The following SLC28A3 variants were observed in gnomAD, a reference collection of about 807,000 sequenced individuals.
SLC28A3 encodes solute carrier family 28 member 3, also known as concentrative Na(+)-nucleoside cotransporter 3.
Under a neutral mutation model 84.2 loss-of-function variants are expected in SLC28A3, and 68 were observed. The observed-to-expected ratio is 0.81, with a 90% CI of 0.66 to 0.99. SLC28A3 has a LOEUF of 0.99. Among genes scored for constraint, SLC28A3 ranks in the 50% least tolerant of loss-of-function variants. The pLI is 0.00. For synonymous variants in SLC28A3, 267 were observed against 303.6 expected (o/e 0.88, Z 1.25); for missense variants, 712 against 841.5 (o/e 0.85, Z 1.90).
intron 1 of SLC28A3, among the ~76,000 whole-genome samples, chr9:84,333,306 T>C (rs1826854769): frequency 6.6e-6 from 1 of 152,172 alleles, no homozygotes; most frequent in South Asian, 2.1e-4. Context: ...GGAATTTCCT[T>C]GTGGGCAAAA....
chr9:84,316,324 T>C (rs181414854), intron 1 of SLC28A3, among the ~76,000 whole-genome samples: 2 of 152,354 alleles, frequency 1.3e-5, no homozygotes, highest in East Asian at 3.8e-4. Context: ...AGGAAAAAGA[T>C]TACATATCCA....
At chr9:84,288,975 T>C (rs1287389383) in intron 11 of SLC28A3, among the ~76,000 whole-genome samples, 1 of 152,178 alleles carries the variant, frequency 6.6e-6, no homozygotes, top group Non-Finnish European at 1.5e-5. Context: ...CCTTGGTGCC[T>C]TTACACAATC....
At chr9:84,314,849 T>A (rs4877843) in intron 1 of SLC28A3, among the ~76,000 whole-genome samples, 1 of 152,032 alleles carries the variant, frequency 6.6e-6, no homozygotes, top group Non-Finnish European at 1.5e-5. Flanking sequence ...GAGGCCAAGG[T>A]GGGCGGATCA....
intron 9 of SLC28A3, 31 bp from the exon 10 acceptor site, chr9:84,292,779 A>G (rs1417850933): frequency 6.6e-7 from 1 of 1,504,790 alleles, no homozygotes; most frequent in African/African-American, 1.4e-5. Flanking sequence ...AAGTCAGCAA[A>G]GAACTTTTTG....
chr9:84,278,415 C>T (rs1003567042), intron 17 of SLC28A3, 71 bp from the exon 18 acceptor site: 1 of 1,584,984 alleles, frequency 6.3e-7, no homozygotes, highest in African/African-American at 1.3e-5. Flanking sequence ...CAGACAATGA[C>T]ATTAAAAATA....
At chr9:84,335,824 T>G (rs534366819) in intron 1 of SLC28A3, among the ~76,000 whole-genome samples, 4 of 152,172 alleles carry the variant, frequency 2.6e-5, no homozygotes, top group African/African-American at 7.2e-5. Flanking sequence ...ATTATTATGC[T>G]CTTTTACAGA....
At chr9:84,293,900 T>C (rs547822803) in intron 9 of SLC28A3, among the ~76,000 whole-genome samples, 11 of 152,200 alleles carry the variant, frequency 7.2e-5, no homozygotes, top group African/African-American at 2.7e-4. Flanking sequence ...AATAACATCA[T>C]TTCCCCCAGC....
chr9:84,311,963 T>C (rs1588600232), intron 2 of SLC28A3, among the ~76,000 whole-genome samples: 1 of 152,272 alleles, frequency 6.6e-6, no homozygotes, highest in African/African-American at 2.4e-5. Flanking sequence ...TGTCGTATAG[T>C]TGGGATCGCA....
At chr9:84,303,505 A>G (rs1235017395) in intron 4 of SLC28A3, among the ~76,000 whole-genome samples, 1 of 152,146 alleles carries the variant, frequency 6.6e-6, no homozygotes, top group Non-Finnish European at 1.5e-5. Flanking sequence ...TTTTTAGTAG[A>G]GACGGGGTTT....
At chr9:84,354,073 T>A in the SLC28A3 span, among the ~76,000 whole-genome samples, 1 of 152,244 alleles carries the variant, frequency 6.6e-6, no homozygotes, top group Admixed American at 6.5e-5. Context: ...TCTCACCTCA[T>A]CTTGTTCTCT....
At chr9:84,293,023 A>T (rs1330636036) in intron 9 of SLC28A3, among the ~76,000 whole-genome samples, 1 of 152,364 alleles carries the variant, frequency 6.6e-6, no homozygotes, top group Middle Eastern at 3.4e-3. Context: ...GTAATAAATG[A>T]CAATTGCTAA....
intron 1 of SLC28A3, among the ~76,000 whole-genome samples, chr9:84,337,435 T>C (rs1827016845): frequency 6.6e-6 from 1 of 151,842 alleles, no homozygotes; most frequent in African/African-American, 2.4e-5. Flanking sequence ...TGCTAGCCTG[T>C]GTGTGTGCGC....
In SLC28A3 at chr9:84,277,957, C is replaced by A; in HGVS notation, c.*261G>T. The A allele has an allele frequency of 9.6e-6, 4 of 417,432 alleles. No homozygotes were observed. The highest frequency in any genetic ancestry group is 4.0e-5 in the East Asian group (1 of 24,838). The allele number at this position is 417,432 out of a possible 1,614,324, so 25.9% of individuals were successfully genotyped here. On this transcript the variant is annotated 3_prime_UTR_variant, in exon 18 of 18. Coordinates refer to ENST00000376238, the MANE Select transcript of SLC28A3 (RefSeq NM_001199633.2). ...CTTGCAAACATTAAAGTCAGAAAAT[C>A]CCATTGAGACTGGAATCAACAACAC...
the SLC28A3 span, among the ~76,000 whole-genome samples, chr9:84,364,886 G>GTA: frequency 6.6e-6 from 1 of 152,140 alleles, no homozygotes; most frequent in Non-Finnish European, 1.5e-5. Context: ...ATTCCATTGT[G>GTA]TATATGAACC....
chr9:84,314,217 G>T (rs4877841), intron 1 of SLC28A3, among the ~76,000 whole-genome samples: 25,243 of 151,850 alleles, frequency 0.17, 2,908 homozygotes, highest in African/African-American at 0.32. Flanking sequence ...GCCCTTTTTT[G>T]TGTGTGTGTG....
At chr9:84,358,275 A>G in the SLC28A3 span, among the ~76,000 whole-genome samples, 414 of 152,266 alleles carry the variant, frequency 2.7e-3, 3 homozygotes, top group African/African-American at 8.7e-3. Flanking sequence ...AGCCTTACAT[A>G]CAGTCCAGTG....
intron 1 of SLC28A3, among the ~76,000 whole-genome samples, chr9:84,313,868 GAAAAA>G (rs754131148): frequency 1.6e-5 from 2 of 125,576 alleles, no homozygotes; most frequent in Non-Finnish European, 3.3e-5. Flanking sequence ...GACTCTACCT[GAAAAA>G]AAAAAAAAAG....
At chr9:84,279,938 C>T (rs1374892078) in intron 16 of SLC28A3, 37 bp downstream of exon 16, 1 of 1,601,694 alleles carries the variant, frequency 6.2e-7, no homozygotes, top group Non-Finnish European at 8.5e-7. Context: ...GCCATTCATC[C>T]TGTGGGCACT....
chr9:84,299,520 G>C, intron 6 of SLC28A3, 61 bp downstream of exon 6: 2 of 1,589,896 alleles, frequency 1.3e-6, no homozygotes, highest in South Asian at 2.2e-5. Flanking sequence ...TCAGTATTTT[G>C]AGCAATTTAC....
Sources: gnomAD v4.1 joint callset for allele counts (sites outside exome capture counted in the v4.1 genomes callset) on GRCh38, gnomAD v4.1.1 for gene constraint, MANE v1.5 for transcripts, NCBI Gene and HGNC (gene_info 2026-07-23, HGNC 2026-07-21) for gene names.